The following MTF2 variants were observed in gnomAD, a reference collection of about 807,000 sequenced individuals.
The protein encoded by MTF2 is metal response element binding transcription factor 2, also known as metal-response element-binding transcription factor 2.
MTF2 carries 11 observed loss-of-function variants against 79.5 expected under a neutral mutation model. The observed-to-expected ratio is 0.14, with a 90% CI of 0.09 to 0.23. MTF2 has a LOEUF of 0.23. MTF2 is among the 10% of genes least tolerant of loss of function. The pLI, the probability that MTF2 is intolerant of heterozygous loss-of-function variation, is 1.00. For synonymous variants in MTF2, 208 were observed against 232.8 expected, an observed-to-expected ratio of 0.89 and a Z score of 0.97; for missense variants, 486 against 711.2, an observed-to-expected ratio of 0.68 and a Z score of 3.60.
At chr1:93,094,943 A>G (rs1232493035) in intron 1 of MTF2, among the ~76,000 whole-genome samples, 1 of 152,128 alleles carries the variant, frequency 6.6e-6, no homozygotes, top group African/African-American at 2.4e-5. Context: ...CCCTTGATTC[A>G]ATTCCTTGAA....
chr1:93,119,399 G>A lies in MTF2; in HGVS notation c.795G>A (p.Gln265=). The change falls in exon 8 of 15, where the codon CAG becomes CAA. Residue 265 remains glutamine (Q), a splice_region_variant and synonymous_variant. Coordinates refer to ENST00000370298, the MANE Select transcript of MTF2 (RefSeq NM_007358.4). ...GPEYLKRLPL[Q]WVDIAHLCLY... is the part of the protein sequence containing the mutation. ...AATACCTCAAACGTCTACCATTACAGTGGTAAGTGTGGACCTTTCTGTTAA... is the reference window on the plus strand; with the variant it reads ...AATACCTCAAACGTCTACCATTACAATGGTAAGTGTGGACCTTTCTGTTAA... The A allele has an allele frequency of 3.1e-6, 5 of 1,595,340 alleles. No homozygotes were observed. In the African/African-American group the frequency reaches 4.1e-5, roughly 13 times the overall value.
At chr1:93,116,559 A>G (rs146814868) in intron 6 of MTF2, among the ~76,000 whole-genome samples, 244 of 141,130 alleles carry the variant, frequency 1.7e-3, no homozygotes, top group African/African-American at 6.5e-3. Flanking sequence ...GCTGGAGTGC[A>G]GTGGCATGGT....
At chr1:93,112,883 C>CT (rs1656085810) in intron 3 of MTF2, among the ~76,000 whole-genome samples, 1 of 152,186 alleles carries the variant, frequency 6.6e-6, no homozygotes. Context: ...TCACTACCCC[C>CT]TTTTCTGAGG....
At chr1:93,095,772 C>T (rs1273177349) in intron 1 of MTF2, among the ~76,000 whole-genome samples, 1 of 151,500 alleles carries the variant, frequency 6.6e-6, no homozygotes, top group African/African-American at 2.4e-5. Flanking sequence ...TCTTCTGCCT[C>T]AGCCTCCTGA....
At chr1:93,129,557 G>A in intron 11 of MTF2, 109 bp downstream of exon 11, 1 of 500,772 alleles carries the variant, frequency 2.0e-6, no homozygotes, top group Admixed American at 4.9e-5. Context: ...CAGTTACTCT[G>A]ATTTTTTTTT....
Position 93,097,000 on chromosome 1 carries a change from C to T in MTF2, c.6-13230C>T, listed in dbSNP as rs534263760. On this transcript the variant is annotated intron_variant, in intron 1 of 14. Transcript: ENST00000370298. ...TAATTTTTAATTTTTTGTAGAGATG[C>T]GGTTTTACCATGTTGCCTAGGCTGG... 3.3e-5 allele frequency among the ~76,000 whole-genome samples: 5 copies of T among 151,530 alleles called. No homozygotes were observed. In the East Asian group the frequency reaches 5.8e-4, roughly 18 times the overall value.
At chr1:93,127,511 TGGGAGACATATC>T (rs1175576176) in intron 10 of MTF2, among the ~76,000 whole-genome samples, 1 of 152,194 alleles carries the variant, frequency 6.6e-6, no homozygotes, top group African/African-American at 2.4e-5. Flanking sequence ...GAATGGTGGG[TGGGAGACATATC>T]GGTATCTCTG....
chr1:93,133,632 TTACA>T (rs1323960179), intron 11 of MTF2, 67 bp from the exon 12 acceptor site: 4 of 909,722 alleles, frequency 4.4e-6, no homozygotes, highest in Non-Finnish European at 5.0e-6. Flanking sequence ...ATGTGTCTAG[TTACA>T]TACATAGAGT....
intron 9 of MTF2, among the ~76,000 whole-genome samples, chr1:93,122,067 G>A (rs1447135913): frequency 2.6e-5 from 4 of 152,150 alleles, no homozygotes. Flanking sequence ...CTCCCAAAGT[G>A]CTGAGATTAC....
At chr1:93,101,662 C>T (rs778378874) in intron 1 of MTF2, among the ~76,000 whole-genome samples, 14 of 143,372 alleles carry the variant, frequency 9.8e-5, no homozygotes, top group Non-Finnish European at 2.1e-4. Flanking sequence ...ACTGCAGCCT[C>T]GACCTCCCAG....
rs201065659 is a variant in MTF2 at position 93,082,448 on chromosome 1, T to TTAAA, written c.5+2918_5+2919insAAAT. On this transcript the variant is annotated intron_variant, in intron 1 of 14. Transcript: ENST00000370298. ...GGTGCACACCACCACACCTGGCTAA[T>TTAAA]TTTTAAATTTTTAATTTTTTTTGTG... is the stretch of plus-strand genomic sequence containing the variant. Among the ~76,000 whole-genome samples the TTAAA allele has an allele frequency of 7.7e-3, 1,178 of 152,108 alleles. 22 individuals are homozygous for TTAAA. The highest frequency in any genetic ancestry group is 0.027 in the African/African-American group (1,124 of 41,474).
At chr1:93,120,480 A>T in intron 8 of MTF2, 69 bp from the exon 9 acceptor site, 2 of 1,417,290 alleles carry the variant, frequency 1.4e-6, no homozygotes, top group Non-Finnish European at 1.9e-6. Context: ...CTGTTTTATA[A>T]GGAAACCGTG....
At chr1:93,118,503 G>A (rs1231319392) in intron 7 of MTF2, 63 bp downstream of exon 7, 5 of 1,172,742 alleles carry the variant, frequency 4.3e-6, no homozygotes, top group Non-Finnish European at 6.1e-6. Flanking sequence ...GGTTATATTT[G>A]TGATTTCAGA....
intron 1 of MTF2, among the ~76,000 whole-genome samples, chr1:93,091,218 G>C (rs1655063063): frequency 6.6e-6 from 1 of 151,930 alleles, no homozygotes. Flanking sequence ...AACCCGTCTG[G>C]TACATCTGGT....
At chr1:93,092,207 T>C (rs758019639) in intron 1 of MTF2, among the ~76,000 whole-genome samples, 38 of 152,222 alleles carry the variant, frequency 2.5e-4, no homozygotes, top group Non-Finnish European at 4.3e-4. Flanking sequence ...CTGAGGATAT[T>C]AATTGGTTAT....
chr1:93,079,622 A>T, intron 1 of MTF2, 91 bp downstream of exon 1: 339 of 1,391,748 alleles, frequency 2.4e-4, no homozygotes, highest in Non-Finnish European at 3.1e-4. Flanking sequence ...AAAGGGAAAG[A>T]TGGAGGACCA....
chr1:93,129,554 T>C, intron 11 of MTF2, 106 bp downstream of exon 11: 2 of 730,234 alleles, frequency 2.7e-6, no homozygotes, highest in Non-Finnish European at 3.9e-6. Flanking sequence ...TGGCAGTTAC[T>C]CTGATTTTTT....
At chr1:93,115,265 T>C (rs1490234496) in intron 5 of MTF2, among the ~76,000 whole-genome samples, 177 bp downstream of exon 5, 1 of 152,222 alleles carries the variant, frequency 6.6e-6, no homozygotes, top group Admixed American at 6.5e-5. Flanking sequence ...TGCTTTCACT[T>C]ATTTGATGAT....
At chr1:93,119,248 A>T in intron 7 of MTF2, 85 bp from the exon 8 acceptor site, 1 of 896,732 alleles carries the variant, frequency 1.1e-6, no homozygotes, top group Non-Finnish European at 1.7e-6. Context: ...GCTGTAGGTT[A>T]TTCACTTGGT....
Sources: allele counts gnomAD v4.1 joint callset (sites outside exome capture counted in the v4.1 genomes callset), GRCh38; gene constraint gnomAD v4.1.1; transcripts MANE v1.5; gene names NCBI Gene and HGNC (gene_info 2026-07-23, HGNC 2026-07-21).